Variants in HACD1 observed in about 807,000 individuals in gnomAD.
HACD1 encodes the protein very-long-chain (3R)-3-hydroxyacyl-CoA dehydratase 1.
A neutral mutation model predicts 32.0 loss-of-function variants in HACD1; 41 were observed. The ratio of observed to expected loss-of-function variants is 1.28; its 90% confidence interval spans 1.00 to 1.66. HACD1 has a LOEUF of 1.66. Ranked by LOEUF, HACD1 falls within the 40% of genes most tolerant of loss-of-function variation. The pLI is 0.00. For missense variants in HACD1, 396 were observed against 380.1 expected (o/e 1.04, Z -0.35); for synonymous variants, 142 against 139.0 (o/e 1.02, Z -0.15).
At chr10:17,612,073 G>A (rs1211303702) in intron 1 of HACD1, among the ~76,000 whole-genome samples, 3 of 132,208 alleles carry the variant, frequency 2.3e-5, no homozygotes, top group Admixed American at 8.9e-5. Flanking sequence ...GGAGTTTGAC[G>A]CCAGCCTAGG....
intron 1 of HACD1, 140 bp from the exon 2 acceptor site, chr10:17,604,187 G>A: frequency 1.6e-6 from 1 of 635,142 alleles, no homozygotes; most frequent in South Asian, 2.1e-5. Flanking sequence ...ATGGATACTT[G>A]AAATGTGGTC....
intron 1 of HACD1, among the ~76,000 whole-genome samples, chr10:17,614,418 G>A (rs981142095): frequency 6.6e-6 from 1 of 152,116 alleles, no homozygotes; most frequent in Non-Finnish European, 1.5e-5. Context: ...CACCATGCCC[G>A]GCTAATTTTT....
At chr10:17,611,606 G>T (rs1292693516) in intron 1 of HACD1, among the ~76,000 whole-genome samples, 5 of 152,184 alleles carry the variant, frequency 3.3e-5, no homozygotes, top group Non-Finnish European at 7.3e-5. Context: ...AAAAGTATTT[G>T]TCAGAAAGAA....
At chr10:17,598,617 A>AAAGAATAAAATGAAC (rs1554816198) in intron 5 of HACD1, among the ~76,000 whole-genome samples, 1 of 152,252 alleles carries the variant, frequency 6.6e-6, no homozygotes, top group Non-Finnish European at 1.5e-5. Flanking sequence ...AGTACAATAC[A>AAAGAATAAAATGAAC]AAGAATAAAA....
At chr10:17,608,895 G>C (rs1554817256) in intron 1 of HACD1, among the ~76,000 whole-genome samples, 1 of 152,112 alleles carries the variant, frequency 6.6e-6, no homozygotes. Flanking sequence ...TTGTACACCA[G>C]CACTCATGCC....
Position 17,594,252 on chromosome 10 carries a change from A to G in HACD1, c.737T>C (p.Phe246Ser). 3.1e-6 allele frequency: 5 copies of G among 1,597,026 alleles called. No individual in the cohort carries two copies. The highest frequency in any genetic ancestry group is 4.3e-6 in the Non-Finnish European group (5 of 1,171,808). The change falls in exon 6 of 7, where the codon TTT (phenylalanine) becomes TCT (serine). Residue 246 changes from phenylalanine (F) to serine (S), a missense_variant. Coordinates refer to ENST00000361271, the MANE Select transcript of HACD1 (RefSeq NM_014241.4). ...TATAAGAAGAAAATAATAGTAGTCA[A>G]AAGAGACATTGTATTTGTTAGGAAG... is the stretch of plus-strand genomic sequence containing the variant. ...IRLPNKYNVS[F>S]DYYYFLLITM...
chr10:17,594,220 C>A lies in HACD1; in HGVS notation c.769G>T (p.Ala257Ser). Reference sequence around the variant, plus strand: ...ATATACTTACAAGGTATATATGATGCCATGGTTATAAGAAGAAAATAATAG... The same window carrying A: ...ATATACTTACAAGGTATATATGATGACATGGTTATAAGAAGAAAATAATAG... Reference protein sequence around the residue: ...DYYYFLLITMASYIPLFPQLY... With the variant: ...DYYYFLLITMSSYIPLFPQLY... The change falls in exon 6 of 7, where the codon GCA (alanine) becomes TCA (serine). Residue 257 changes from alanine to serine, a missense_variant. Physicochemically the swap from Ala to Ser is moderately conservative, Grantham distance 99 (BLOSUM62 1). Transcript: ENST00000361271. The A allele has an allele frequency of 6.4e-7, 1 of 1,562,940 alleles. No individual in the cohort carries two copies. The highest frequency in any genetic ancestry group is 8.7e-7 in the Non-Finnish European group (1 of 1,154,728).
chr10:17,602,421 A>G (rs1273065867), intron 4 of HACD1, among the ~76,000 whole-genome samples: 1 of 152,166 alleles, frequency 6.6e-6, no homozygotes, highest in Non-Finnish European at 1.5e-5. Context: ...CATGGTGTCT[A>G]TCTCGCCTGA....
In HACD1 at chr10:17,590,326, G is replaced by T. The variant is rs1833912589; in HGVS notation, c.*38C>A. ...TTAAAACTTGGACTCAGGTAATCTT[G>T]GTTATTCTGGAAAAAGCACCTTGTT... is the stretch of plus-strand genomic sequence containing the variant. On this transcript the variant is annotated 3_prime_UTR_variant, in exon 7 of 7. Coordinates refer to ENST00000361271, the MANE Select transcript of HACD1 (RefSeq NM_014241.4). 1.4e-6 allele frequency: 2 copies of T among 1,410,796 alleles called. No individual in the cohort carries two copies. Among genetic ancestry groups the T allele is most frequent in the East Asian group, 2.4e-5 (1 of 42,298 alleles). 87.4% of individuals were successfully genotyped at this position (1,410,796 alleles called of 1,614,324 possible).
intron 5 of HACD1, among the ~76,000 whole-genome samples, chr10:17,597,594 C>T (rs1834010597): frequency 6.6e-6 from 1 of 152,232 alleles, no homozygotes; most frequent in South Asian, 2.1e-4. Context: ...ATGCAATGTA[C>T]ATTCTGCTAT....
chr10:17,616,799 G>A (rs59272745), intron 1 of HACD1, among the ~76,000 whole-genome samples: 5 of 152,046 alleles, frequency 3.3e-5, no homozygotes, highest in Non-Finnish European at 7.4e-5. Flanking sequence ...CGGGGCAGCA[G>A]CCACCTCCCC....
intron 6 of HACD1, among the ~76,000 whole-genome samples, chr10:17,593,038 C>T (rs576088546): frequency 5.8e-4 from 88 of 152,034 alleles, no homozygotes; most frequent in Non-Finnish European, 1.1e-3. Flanking sequence ...CTCGTCTCTA[C>T]TAAAAATACA....
intron 1 of HACD1, among the ~76,000 whole-genome samples, chr10:17,609,567 A>T (rs1329165198): frequency 6.6e-6 from 1 of 152,178 alleles, no homozygotes; most frequent in Non-Finnish European, 1.5e-5. Flanking sequence ...TCAAAATCCC[A>T]ATGAGATAAC....
intron 1 of HACD1, chr10:17,615,922 C>G (rs987148468): frequency 2.6e-6 from 1 of 383,944 alleles, no homozygotes; most frequent in East Asian, 1.0e-4. Flanking sequence ...GAGCGGAGAT[C>G]GCGCCAATGC....
chr10:17,611,222 G>C (rs1359789918), intron 1 of HACD1, among the ~76,000 whole-genome samples: 1 of 152,054 alleles, frequency 6.6e-6, no homozygotes, highest in Non-Finnish European at 1.5e-5. Context: ...GGATGGTCTC[G>C]ATCTCCTGAC....
At chr10:17,594,513 C>A in intron 5 of HACD1, 130 bp from the exon 6 acceptor site, 1 of 672,416 alleles carries the variant, frequency 1.5e-6, no homozygotes, top group Non-Finnish European at 2.2e-6. Context: ...AATAACCTTA[C>A]GTAAGGTTAA....
chr10:17,613,602 A>G (rs1833024203), intron 1 of HACD1, among the ~76,000 whole-genome samples: 1 of 152,220 alleles, frequency 6.6e-6, no homozygotes, highest in African/African-American at 2.4e-5. Flanking sequence ...GCATCTGAAG[A>G]GTCAGTTACA....
intron 6 of HACD1, among the ~76,000 whole-genome samples, chr10:17,592,348 T>C (rs1441168654): frequency 6.6e-6 from 1 of 152,154 alleles, no homozygotes; most frequent in East Asian, 1.9e-4. Context: ...GAAATAATAC[T>C]ACTACTTTTG....
chr10:17,615,681 A>G, intron 1 of HACD1: 1 of 204,816 alleles, frequency 4.9e-6, no homozygotes. Context: ...AAAATAAAAT[A>G]TTAGGCCCGG....
Sources: allele counts gnomAD v4.1 joint callset (sites outside exome capture counted in the v4.1 genomes callset), GRCh38; gene constraint gnomAD v4.1.1; transcripts MANE v1.5; gene names NCBI Gene and HGNC (gene_info 2026-07-23, HGNC 2026-07-21).